The following DSCAML1 variants were observed in gnomAD, a reference collection of about 807,000 sequenced individuals.
The protein encoded by DSCAML1 is cell adhesion molecule DSCAML1.
A neutral mutation model predicts 200.5 loss-of-function variants in DSCAML1; 38 were observed. The ratio of observed to expected loss-of-function variants is 0.19; its 90% CI spans 0.15 to 0.25. DSCAML1 has a LOEUF of 0.25. DSCAML1 is among the 10% of genes least tolerant of loss of function. The pLI is 1.00. For synonymous variants in DSCAML1, 1,215 were observed against 1,165.0 expected (o/e 1.04, Z -0.87); for missense variants, 2,223 against 2,858.8 (o/e 0.78, Z 5.07).
chr11:117,583,919 G>A (rs561386873), intron 3 of DSCAML1, among the ~76,000 whole-genome samples: 1 of 152,324 alleles, frequency 6.6e-6, no homozygotes, highest in East Asian at 1.9e-4. Context: ...CAGGCACAAT[G>A]CTTTCGGCCA....
intron 3 of DSCAML1, among the ~76,000 whole-genome samples, chr11:117,615,985 A>T (rs563796033): frequency 1.3e-5 from 2 of 152,184 alleles, no homozygotes; most frequent in Admixed American, 1.3e-4. Context: ...CACAACCACC[A>T]TTGTTTTTCT....
rs752051719 is a variant in DSCAML1 at position 117,482,041 on chromosome 11, T to C, written c.2481A>G (p.Thr827=). The part of the protein sequence containing the change: ...PIIIRWEKGD[T]VIDPDRVMRY... ...GCATGACGCGGTCAGGGTCGATGAC[T>C]GTGTCCCCCTTCTCCCAGCGGATGA... is the stretch of plus-strand genomic sequence containing the variant. The change falls in exon 12 of 33, where the codon ACA becomes ACG. Residue 827 remains threonine, a synonymous_variant. Coordinates refer to ENST00000651296, the MANE Select transcript of DSCAML1 (RefSeq NM_020693.4). 1.3e-5 allele frequency: 21 copies of C among 1,614,190 alleles called. No individual in the cohort carries two copies. In the South Asian group the frequency reaches 1.4e-4, roughly 11 times the overall value.
chr11:117,437,126 A>T lies in DSCAML1; in HGVS notation c.4716T>A (p.Asp1572Glu), dbSNP rs1181723142. 2 of 1,611,626 alleles carry T rather than the reference A, an allele frequency of 1.2e-6. No individual in the cohort carries two copies. Among genetic ancestry groups the T allele is most frequent in the Admixed American group, 1.7e-5 (1 of 59,974 alleles). ...ETAQFATLDY[D>E]GSTIPPIKSA... ...CCTTCCACCCTTGCGACTCACTGCC[A>T]TCGTAGTCCAGGGTGGCGAACTGGG... Residue 1572 changes from aspartate (D) to glutamate (E), a missense_variant, in exon 26 of 33, where the codon GAT becomes GAA. This residue lies in a region of DSCAML1 where 614 missense variants were observed against 739.1 expected (regional missense o/e 0.83). Transcript: ENST00000651296. The surrounding 1 kb of genome is among the most constrained non-coding windows in gnomAD (Gnocchi z 5.3).
chr11:117,784,477 G>A (rs1480044102), intron 1 of DSCAML1, among the ~76,000 whole-genome samples: 1 of 152,210 alleles, frequency 6.6e-6, no homozygotes, highest in Admixed American at 6.5e-5. Flanking sequence ...CACATGGGCA[G>A]CAGGTTAAGT....
intron 1 of DSCAML1, among the ~76,000 whole-genome samples, chr11:117,782,222 C>T (rs1246275561): frequency 1.3e-5 from 2 of 152,232 alleles, no homozygotes; most frequent in African/African-American, 4.8e-5. Flanking sequence ...AACCGAGCCT[C>T]TGGGGAGAAT....
chr11:117,676,279 A>G (rs1386834059), intron 3 of DSCAML1, among the ~76,000 whole-genome samples: 3 of 152,152 alleles, frequency 2.0e-5, no homozygotes, highest in Admixed American at 1.3e-4. Flanking sequence ...GATATTAGAC[A>G]TGGTTCTGAC....
chr11:117,655,556 A>T (rs2052717128), intron 3 of DSCAML1, among the ~76,000 whole-genome samples: 1 of 152,168 alleles, frequency 6.6e-6, no homozygotes, highest in South Asian at 2.1e-4. Flanking sequence ...CAAAAGTGCA[A>T]TCCATATTTC....
chr11:117,512,643 T>TGTGTAC (rs1555179270), intron 8 of DSCAML1, among the ~76,000 whole-genome samples: 3 of 125,140 alleles, frequency 2.4e-5, no homozygotes, highest in Admixed American at 2.3e-4. Context: ...CAAGCGTGTG[T>TGTGTAC]ACACACACAC....
chr11:117,801,642 TC>T (rs1217354637), upstream of DSCAML1: 4 of 152,254 alleles, frequency 2.6e-5, no homozygotes, highest in East Asian at 7.7e-4. Context: ...CAAAATTCTG[TC>T]TGCTGGGCTC....
At chr11:117,777,000 A>G (rs545314482) in intron 2 of DSCAML1, 63 bp from the exon 3 acceptor site, 3 of 1,575,842 alleles carry the variant, frequency 1.9e-6, no homozygotes, top group South Asian at 2.3e-5. Flanking sequence ...GGGTCCCCAG[A>G]AAGGAACAGG....
At chr11:117,473,321 A>G (rs1374923195) in intron 14 of DSCAML1, among the ~76,000 whole-genome samples, 2 of 151,990 alleles carry the variant, frequency 1.3e-5, no homozygotes, top group Non-Finnish European at 2.9e-5. Context: ...ATATGGTGAA[A>G]CTCTGTCTGT....
At chr11:117,719,781 C>T (rs1038669580) in intron 3 of DSCAML1, among the ~76,000 whole-genome samples, 3 of 152,176 alleles carry the variant, frequency 2.0e-5, no homozygotes, top group Admixed American at 6.5e-5. Context: ...AACTGCTTAA[C>T]GCTCAGGACT....
intron 3 of DSCAML1, among the ~76,000 whole-genome samples, chr11:117,547,813 A>G (rs2050403097): frequency 6.6e-6 from 1 of 152,160 alleles, no homozygotes. Context: ...TCTCAGGATG[A>G]AGACCAAAAT....
At chr11:117,676,145 GA>G (rs547018255) in intron 3 of DSCAML1, among the ~76,000 whole-genome samples, 2 of 147,132 alleles carry the variant, frequency 1.4e-5, no homozygotes, top group East Asian at 4.0e-4. Flanking sequence ...CAAATTGGCA[GA>G]AAAAAAATCA....
intron 3 of DSCAML1, among the ~76,000 whole-genome samples, chr11:117,659,447 C>G (rs904674638): frequency 2.6e-5 from 4 of 152,238 alleles, no homozygotes; most frequent in Non-Finnish European, 5.9e-5. Context: ...AAAGTCAGGA[C>G]AGCAATTGTA....
intron 3 of DSCAML1, among the ~76,000 whole-genome samples, chr11:117,600,543 C>T (rs1470079894): frequency 1.3e-5 from 2 of 152,184 alleles, no homozygotes; most frequent in South Asian, 2.1e-4. Flanking sequence ...TCCATCCCTC[C>T]GCCCACACCA....
chr11:117,755,927 G>C (rs1273507589), intron 3 of DSCAML1, among the ~76,000 whole-genome samples: 1 of 152,088 alleles, frequency 6.6e-6, no homozygotes, highest in Non-Finnish European at 1.5e-5. Context: ...ATCAGCAGCA[G>C]AGGTCCTTTG....
intron 3 of DSCAML1, among the ~76,000 whole-genome samples, chr11:117,545,225 G>GT (rs2050348503): frequency 8.2e-6 from 1 of 121,646 alleles, no homozygotes. Flanking sequence ...GCAAGATTCC[G>GT]TAAAAAAAAA....
At chr11:117,658,647 A>C (rs1591370993) in intron 3 of DSCAML1, among the ~76,000 whole-genome samples, 1 of 152,234 alleles carries the variant, frequency 6.6e-6, no homozygotes, top group East Asian at 1.9e-4. Flanking sequence ...GACCTGGACC[A>C]ACAAAAGGTT....
Sources: gnomAD v4.1 joint callset for allele counts (sites outside exome capture counted in the v4.1 genomes callset) on GRCh38, gnomAD v4.1.1 for gene constraint, gnomAD v4.1.1 regional missense constraint, Gnocchi (gnomAD v3.1) non-coding constraint, MANE v1.5 for transcripts, NCBI Gene and HGNC (gene_info 2026-07-23, HGNC 2026-07-21) for gene names.